The following BIRC6 variants were observed in gnomAD, a reference collection of about 807,000 sequenced individuals.
The protein encoded by BIRC6 is baculoviral IAP repeat containing 6.
In BIRC6, 98 loss-of-function variants were observed where a neutral mutation model predicts 503.3. The observed-to-expected ratio is 0.19, with a 90% CI of 0.17 to 0.23. The LOEUF (loss-of-function observed/expected upper bound fraction) is 0.23. Ranked by LOEUF, BIRC6 falls within the 10% of genes least tolerant of loss-of-function variation. BIRC6 has a pLI of 1.00. For missense variants in BIRC6, 5,360 were observed against 5,806.0 expected, an observed-to-expected ratio of 0.92 and a Z score of 2.50; for synonymous variants, 2,240 against 2,078.7, an observed-to-expected ratio of 1.08 and a Z score of -2.11.
At chr2:32,553,041 A>G (rs2058532513) in intron 65 of BIRC6, among the ~76,000 whole-genome samples, 1 of 149,552 alleles carries the variant, frequency 6.7e-6, no homozygotes, top group South Asian at 2.1e-4. Context: ...ACAAACAAAA[A>G]ACAAAATTAG....
intron 65 of BIRC6, among the ~76,000 whole-genome samples, chr2:32,568,981 T>C (rs1245991850): frequency 7.3e-6 from 1 of 136,506 alleles, no homozygotes; most frequent in Non-Finnish European, 1.6e-5. Flanking sequence ...CCCATGTCTC[T>C]CTCTTTTTTT....
chr2:32,388,204 C>T (rs563181129), intron 3 of BIRC6, among the ~76,000 whole-genome samples: 4 of 151,642 alleles, frequency 2.6e-5, no homozygotes, highest in African/African-American at 9.7e-5. Flanking sequence ...CCTGATGAAA[C>T]CCCGTCTGTA....
At chr2:32,358,489 A>G (rs1482321366) in intron 1 of BIRC6, among the ~76,000 whole-genome samples, 6 of 152,164 alleles carry the variant, frequency 3.9e-5, no homozygotes, top group Non-Finnish European at 7.3e-5. Flanking sequence ...GGGTGGCTTA[A>G]TTTGGATGTT....
chr2:32,539,019 A>G (rs1015684000), intron 61 of BIRC6, among the ~76,000 whole-genome samples: 76 of 152,348 alleles, frequency 5.0e-4, no homozygotes, highest in African/African-American at 1.7e-3. Flanking sequence ...GCCCAAGTAT[A>G]TGCTGCCTAA....
At chr2:32,565,035 T>C (rs574614798) in intron 65 of BIRC6, 1 of 152,384 alleles carries the variant, frequency 6.6e-6, no homozygotes, top group African/African-American at 2.4e-5. Flanking sequence ...TGCTGCATAC[T>C]GTTAGGACCA....
At chr2:32,549,243 T>C in intron 64 of BIRC6, 70 bp from the exon 65 acceptor site, 2 of 1,158,454 alleles carry the variant, frequency 1.7e-6, no homozygotes. Context: ...TCAGATTGAA[T>C]TTCTAACCTA....
At chr2:32,456,965 A>T (rs190603697) in intron 23 of BIRC6, among the ~76,000 whole-genome samples, 10 of 152,034 alleles carry the variant, frequency 6.6e-5, no homozygotes, top group African/African-American at 2.4e-4. Flanking sequence ...GGGTCTTGCT[A>T]TGTTGCCCAG....
chr2:32,575,052 C>A, intron 65 of BIRC6, 104 bp from the exon 66 acceptor site: 1 of 1,242,342 alleles, frequency 8.0e-7, no homozygotes, highest in Non-Finnish European at 1.2e-6. Context: ...CCAGCCGGGT[C>A]AGCTGTGGAC....
At chr2:32,375,355 C>T (rs2036586569) in intron 1 of BIRC6, among the ~76,000 whole-genome samples, 1 of 152,078 alleles carries the variant, frequency 6.6e-6, no homozygotes, top group Admixed American at 6.6e-5. Flanking sequence ...AGTATTCAGT[C>T]TTTTACCAAT....
At chr2:32,385,779 C>T (rs967298635) in intron 3 of BIRC6, among the ~76,000 whole-genome samples, 1 of 152,162 alleles carries the variant, frequency 6.6e-6, no homozygotes, top group African/African-American at 2.4e-5. Context: ...TTATATGTTT[C>T]TTGATACTTG....
chr2:32,609,380 A>G (rs370950775), intron 72 of BIRC6, among the ~76,000 whole-genome samples: 2 of 151,976 alleles, frequency 1.3e-5, no homozygotes, highest in African/African-American at 4.8e-5. Context: ...TTCACCTGCC[A>G]TATCAAATGA....
chr2:32,401,745 G>C (rs777606336), intron 8 of BIRC6, 122 bp downstream of exon 8: 2 of 804,590 alleles, frequency 2.5e-6, no homozygotes, highest in African/African-American at 3.5e-5. Context: ...AGATCAGAGA[G>C]TAAATGTTTG....
intron 1 of BIRC6, among the ~76,000 whole-genome samples, chr2:32,358,607 A>G (rs149608831): frequency 3.7e-4 from 56 of 152,362 alleles, no homozygotes; most frequent in African/African-American, 1.2e-3. Flanking sequence ...TATGTGGTCA[A>G]CCAATTCACT....
chr2:32,603,821 AT>A, intron 71 of BIRC6, among the ~76,000 whole-genome samples: 1 of 152,108 alleles, frequency 6.6e-6, no homozygotes, highest in African/African-American at 2.4e-5. Context: ...GACTCAAATC[AT>A]GAGCCTACAT....
rs765689723 is a variant in BIRC6 at position 32,414,847 on chromosome 2, T to C, written c.1556T>C (p.Leu519Pro). 2 of 1,613,800 alleles carry C rather than the reference T, an allele frequency of 1.2e-6. No individual in the cohort carries two copies. The highest frequency in any genetic ancestry group is 1.3e-5 in the African/African-American group (1 of 74,890). Reference protein sequence around the residue: ...ALSILQQPEKLQWEIVANVLE... With the variant: ...ALSILQQPEKPQWEIVANVLE... The stretch of plus-strand genomic sequence containing the variant: ...AGCATTCTCCAACAGCCAGAAAAAC[T>C]TCAGTGGGAGATTGTTGCAAATGTG... The change falls in exon 10 of 74, where the codon CTT becomes CCT. Residue 519 changes from leucine to proline, a missense_variant. Leu to Pro is a moderately conservative substitution (Grantham distance 98, BLOSUM62 -3). This residue lies in a region of BIRC6 where 700 missense variants were observed against 739.3 expected (regional missense o/e 0.95). Coordinates refer to ENST00000421745, the MANE Select transcript of BIRC6 (RefSeq NM_016252.4).
chr2:32,436,823 CAA>C lies in BIRC6; in HGVS notation c.3631+641_3631+642del, dbSNP rs1386388858. ...AAATCATCTGCCCACCTTGGCCTCC[CAA>C]AGTGTTGGGATTACAGGCGTCAGCA... On this transcript the variant is annotated intron_variant, in intron 15 of 73. Transcript: ENST00000421745. 2.0e-5 allele frequency among the ~76,000 whole-genome samples: 3 copies of C among 149,670 alleles called. No homozygotes were observed. In the East Asian group the frequency reaches 5.8e-4, roughly 29 times the overall value.
rs138267365 is a variant in BIRC6 at position 32,463,279 on chromosome 2, C to T, written c.4839C>T (p.Ala1613=). 205 of 1,613,772 alleles carry T rather than the reference C, an allele frequency of 1.3e-4. No homozygotes were observed. The African/African-American group carries it at 2.5e-3, about 20-fold the overall frequency. The change falls in exon 24 of 74, where the codon GCC becomes GCT. Residue 1613 remains alanine, a synonymous_variant. Transcript: ENST00000421745. ...CCTCGACAGCCCTGAGTTCAGCAGC[C>T]CAGGTAGCTTTGCAGTCTCTCTCTC... ...GEASTALSSA[A]QVALQSLSHA... is the part of the protein sequence containing the mutation.
At chr2:32,555,988 T>C (rs143673130) in intron 65 of BIRC6, among the ~76,000 whole-genome samples, 49 of 152,186 alleles carry the variant, frequency 3.2e-4, no homozygotes, top group Middle Eastern at 3.4e-3. Flanking sequence ...AATAGTATTT[T>C]AATATGGCTC....
chr2:32,514,709 A>G (rs965621847), intron 54 of BIRC6, among the ~76,000 whole-genome samples: 1 of 152,212 alleles, frequency 6.6e-6, no homozygotes, highest in African/African-American at 2.4e-5. Flanking sequence ...TTTTCAGGTC[A>G]CACAGAATGA....
Sources: gnomAD v4.1 joint callset for allele counts (sites outside exome capture counted in the v4.1 genomes callset) on GRCh38, gnomAD v4.1.1 for gene constraint, gnomAD v4.1.1 regional missense constraint, MANE v1.5 for transcripts, NCBI Gene and HGNC (gene_info 2026-07-23, HGNC 2026-07-21) for gene names.